Variants in TTLL6 observed in about 807,000 individuals in gnomAD.
TTLL6 encodes tubulin tyrosine ligase like 6.
Under a neutral mutation model 96.4 loss-of-function variants are expected in TTLL6, and 75 were observed. That is an observed-to-expected ratio of 0.78 (90% CI 0.65 to 0.94). TTLL6 has a LOEUF of 0.94. TTLL6 is among the 40% of genes least tolerant of loss of function. The pLI is 0.00. For synonymous variants in TTLL6, 411 were observed against 419.4 expected (o/e 0.98, Z 0.24); for missense variants, 1,030 against 1,093.0 (o/e 0.94, Z 0.81).
intron 10 of TTLL6, among the ~76,000 whole-genome samples, chr17:48,788,784 A>C (rs530930969): frequency 9.2e-5 from 14 of 152,194 alleles, no homozygotes; most frequent in South Asian, 2.1e-4. Flanking sequence ...ACTCCACCCT[A>C]CCTACCTACC....
At position 48,762,691 on chromosome 17, in the gene TTLL6, G is replaced by A. The variant is rs2038512494; in HGVS notation, c.*283C>T. On this transcript the variant is annotated 3_prime_UTR_variant, in exon 16 of 16. Transcript: ENST00000393382. ...ATGATGGTGCCATGTGAAGAACCCA[G>A]AGAAGTGCCACTGGTACGGCAACTG... 1 of 263,018 alleles carries A rather than the reference G, an allele frequency of 3.8e-6. No individual in the cohort carries two copies. The highest frequency in any genetic ancestry group is 5.2e-5 in the Admixed American group (1 of 19,342). The allele number at this position is 263,018 out of a possible 1,614,324, so 16.3% of individuals were successfully genotyped here. A position where few individuals can be genotyped will look rare whatever the true frequency, so the allele number is the denominator to read the frequency against.
At position 48,765,715 on chromosome 17, in the gene TTLL6, T is replaced by C. The variant is rs572202090; in HGVS notation, c.*1-2742A>G. The C allele has an allele frequency of 5.2e-5, 8 of 152,442 alleles. No homozygotes were observed. The South Asian group carries it at 8.1e-4, about 15-fold the overall frequency. 9.4% of individuals were successfully genotyped at this position (152,442 alleles called of 1,614,324 possible). A position where few individuals can be genotyped will look rare whatever the true frequency, so the allele number is the denominator to read the frequency against. On this transcript the variant is annotated intron_variant, in intron 15 of 15. Transcript: ENST00000393382. The stretch of plus-strand genomic sequence containing the variant: ...GTCCCCAGCTCCTGGGAGGCCACCA[T>C]ACTGATGCCAAACTTAGTGCAGATA...
chr17:48,768,638 T>C lies in TTLL6; in HGVS notation c.*351A>G, dbSNP rs2038665406. ...CCAGGCTAGTCTTGAACCCCTTGCATCAAGTAATCTTCTCGCCTCAGCCTC... is the reference window on the plus strand; with the variant it reads ...CCAGGCTAGTCTTGAACCCCTTGCACCAAGTAATCTTCTCGCCTCAGCCTC... On this transcript the variant is annotated intron_variant, in intron 15 of 15. Coordinates refer to ENST00000393382, the MANE Select transcript of TTLL6 (RefSeq NM_001130918.3). Among the ~76,000 whole-genome samples the C allele has an allele frequency of 2.6e-5, 4 of 151,164 alleles. No individual in the cohort carries two copies. The South Asian group carries it at 8.4e-4, about 32-fold the overall frequency.
intron 6 of TTLL6, among the ~76,000 whole-genome samples, chr17:48,798,239 T>C (rs1452533478): frequency 1.3e-5 from 2 of 152,070 alleles, no homozygotes; most frequent in Non-Finnish European, 2.9e-5. Flanking sequence ...CTCAGCAACA[T>C]AGAGACTCTA....
intron 2 of TTLL6, chr17:48,804,424 T>G (rs778025917): frequency 9.6e-5 from 48 of 497,984 alleles, no homozygotes; most frequent in Non-Finnish European, 7.8e-5. Flanking sequence ...GATAAGTCAG[T>G]ATGGTGCTAT....
At chr17:48,769,629 C>G in intron 14 of TTLL6, 99 bp downstream of exon 14, 1 of 1,442,200 alleles carries the variant, frequency 6.9e-7, no homozygotes, top group Admixed American at 2.1e-5. Flanking sequence ...GGGCTGTCCC[C>G]CCTCCAAAGA....
chr17:48,805,300 T>C (rs564746704), intron 1 of TTLL6, among the ~76,000 whole-genome samples: 36 of 152,182 alleles, frequency 2.4e-4, no homozygotes, highest in African/African-American at 8.4e-4. Flanking sequence ...TTAAAGTGAG[T>C]GAGTGTCTGG....
In TTLL6 at chr17:48,769,999, G is replaced by A; in HGVS notation, c.2139C>T (p.Tyr713=). ...CCACCCTGTCCGTCTCTGGGCCACT[G>A]TACTCAGAGCTGGCGGTCACAGCCA... ...PTLAVTASSE[Y]SGPETDRVVS... The change falls in exon 14 of 16, where the codon TAC becomes TAT. Residue 713 remains tyrosine, a synonymous_variant. Transcript: ENST00000393382. The A allele has an allele frequency of 6.2e-7, 1 of 1,614,152 alleles. No homozygotes were observed. Among genetic ancestry groups the A allele is most frequent in the Non-Finnish European group, 8.5e-7 (1 of 1,180,022 alleles).
chr17:48,773,894 C>T (rs2038801690), intron 13 of TTLL6, among the ~76,000 whole-genome samples: 1 of 150,902 alleles, frequency 6.6e-6, no homozygotes, highest in Non-Finnish European at 1.5e-5. Context: ...ACCAGCCTGA[C>T]CAACATGGAG....
intron 9 of TTLL6, among the ~76,000 whole-genome samples, chr17:48,791,148 C>G (rs975513607): frequency 1.3e-5 from 2 of 152,150 alleles, no homozygotes; most frequent in African/African-American, 4.8e-5. Context: ...TCAGCACTTC[C>G]TTGTCTAAGA....
intron 6 of TTLL6, among the ~76,000 whole-genome samples, 153 bp downstream of exon 6, chr17:48,799,451 T>A (rs2039372773): frequency 6.6e-6 from 1 of 152,012 alleles, no homozygotes; most frequent in Non-Finnish European, 1.5e-5. Context: ...AGCACCCCGG[T>A]CAGAACGTTT....
At chr17:48,781,789 G>T (rs1329911597) in intron 13 of TTLL6, among the ~76,000 whole-genome samples, 1 of 152,174 alleles carries the variant, frequency 6.6e-6, no homozygotes. Context: ...GCCTTTGGGA[G>T]ATGACTAGTG....
At chr17:48,790,242 G>C (rs2039194198) in intron 9 of TTLL6, 136 bp from the exon 10 acceptor site, 3 of 898,480 alleles carry the variant, frequency 3.3e-6, no homozygotes, top group African/African-American at 3.3e-5. Context: ...GGAGGGGAGA[G>C]AGCATCTGGA....
At chr17:48,816,898 G>T in intron 1 of TTLL6, 72 bp downstream of exon 1, 1 of 1,205,300 alleles carries the variant, frequency 8.3e-7, no homozygotes, top group Non-Finnish European at 1.1e-6. Context: ...GACGTGTCTA[G>T]CCAGGTTTTC....
intron 3 of TTLL6, 100 bp downstream of exon 3, chr17:48,803,791 C>T (rs932021069): frequency 1.2e-5 from 15 of 1,202,350 alleles, no homozygotes; most frequent in Middle Eastern, 1.9e-4. Context: ...TTTGAAGATA[C>T]GCCCTTTCAT....
chr17:48,782,105 CTT>C (rs34486928), intron 13 of TTLL6, among the ~76,000 whole-genome samples: 213 of 122,554 alleles, frequency 1.7e-3, no homozygotes, highest in Middle Eastern at 4.3e-3. Context: ...TTTTTCTTTT[CTT>C]TTTTTTTTTT....
intron 10 of TTLL6, among the ~76,000 whole-genome samples, chr17:48,789,264 A>C (rs914061282): frequency 6.6e-6 from 1 of 152,204 alleles, no homozygotes; most frequent in Non-Finnish European, 1.5e-5. Flanking sequence ...TCAGAGTAAA[A>C]CTATTCAAAC....
intron 8 of TTLL6, among the ~76,000 whole-genome samples, chr17:48,794,499 A>C (rs1191130283): frequency 2.0e-5 from 3 of 152,148 alleles, no homozygotes; most frequent in Non-Finnish European, 2.9e-5. Context: ...CCTAGTTGGC[A>C]AGTGTCGGAG....
At chr17:48,788,101 T>A in intron 10 of TTLL6, 102 bp from the exon 11 acceptor site, 1 of 1,032,146 alleles carries the variant, frequency 9.7e-7, no homozygotes, top group Non-Finnish European at 1.4e-6. Context: ...GATGGAGGCC[T>A]TGCACATAAT....
Sources: allele counts gnomAD v4.1 joint callset (sites outside exome capture counted in the v4.1 genomes callset), GRCh38; gene constraint gnomAD v4.1.1; transcripts MANE v1.5; gene names NCBI Gene and HGNC (gene_info 2026-07-23, HGNC 2026-07-21).